The following IL17RA variants were observed in gnomAD, a reference collection of about 807,000 sequenced individuals.
IL17RA encodes interleukin 17 receptor A, also known as interleukin-17 receptor A.
IL17RA carries 34 observed loss-of-function variants against 50.4 expected under a neutral mutation model. The ratio of observed to expected loss-of-function variants is 0.67; its 90% confidence interval spans 0.51 to 0.90. IL17RA has a LOEUF of 0.90. Among genes scored for constraint, IL17RA ranks in the 40% least tolerant of loss-of-function variants. The probability of loss-of-function intolerance (pLI) is 0.00; values close to 1 mark genes in which losing one functional copy is unlikely to be tolerated. For synonymous variants in IL17RA, 585 were observed against 510.4 expected (o/e 1.15, Z -1.97); for missense variants, 1,276 against 1,169.8 (o/e 1.09, Z -1.32).
At chr22:17,105,462 C>T (rs2061410175) in intron 9 of IL17RA, 129 bp from the exon 10 acceptor site, 1 of 914,620 alleles carries the variant, frequency 1.1e-6, no homozygotes, top group African/African-American at 1.6e-5. Flanking sequence ...TTAAGTTCAA[C>T]CTGGATCTAG....
At chr22:17,096,360 C>T (rs1282823058) in intron 1 of IL17RA, among the ~76,000 whole-genome samples, 2 of 152,128 alleles carry the variant, frequency 1.3e-5, no homozygotes, top group Non-Finnish European at 2.9e-5. Context: ...CTTTACCTAG[C>T]GACTTTGTAG....
At chr22:17,091,134 A>G (rs1431551606) in intron 1 of IL17RA, among the ~76,000 whole-genome samples, 1 of 152,020 alleles carries the variant, frequency 6.6e-6, no homozygotes, top group African/African-American at 2.4e-5. Context: ...CTCAGGGGTT[A>G]CTCCCTCATT....
rs2061446613 is a variant in IL17RA at position 17,112,317 on chromosome 22, A to G, written c.*2497A>G. ...TATTGGAGTACAGTTCACTTACCAT[A>G]CAATCCACAATTGACCCTGCACAAT... On this transcript the variant is annotated 3_prime_UTR_variant, in exon 13 of 13. Transcript: ENST00000319363. The G allele has an allele frequency of 6.6e-6, 1 of 152,158 alleles. No individual in the cohort carries two copies. Among genetic ancestry groups the G allele is most frequent in the South Asian group, 2.1e-4 (1 of 4,820 alleles). 9.4% of individuals were successfully genotyped at this position (152,158 alleles called of 1,614,324 possible).
Position 17,103,538 on chromosome 22 carries a change from T to A in IL17RA, c.807T>A (p.Thr269=), listed in dbSNP as rs1319943199. 1 of 1,613,762 alleles carries A rather than the reference T, an allele frequency of 6.2e-7. No individual in the cohort carries two copies. Among genetic ancestry groups the A allele is most frequent in the South Asian group, 1.1e-5 (1 of 91,000 alleles). The change falls in exon 8 of 13, where the codon ACT becomes ACA. Residue 269 remains threonine, a synonymous_variant. Coordinates refer to ENST00000319363, the MANE Select transcript of IL17RA (RefSeq NM_014339.7). ...ACCAGCGATCCAACGTCACACTCAC[T>A]CTACGCAACCTTAAAGGGTGCTGTC... ...EFHQRSNVTL[T]LRNLKGCCRH...
Position 17,114,729 on chromosome 22 carries a change from G to C in IL17RA, c.*4909G>C, listed in dbSNP as rs186763605. On this transcript the variant is annotated 3_prime_UTR_variant, in exon 13 of 13. Transcript: ENST00000319363. ...GAAAACAGCCCCTGCTTTTTTGCTA[G>C]AATGGCTGAGCTTTCATGGAAAGGA... The C allele has an allele frequency of 6.6e-6, 1 of 152,224 alleles. No homozygotes were observed. The highest frequency in any genetic ancestry group is 2.4e-5 in the African/African-American group (1 of 41,454). 9.4% of individuals were successfully genotyped at this position (152,224 alleles called of 1,614,324 possible).
intron 1 of IL17RA, among the ~76,000 whole-genome samples, chr22:17,088,927 C>T (rs1439194247): frequency 6.6e-6 from 1 of 152,032 alleles, no homozygotes; most frequent in African/African-American, 2.4e-5. Flanking sequence ...TCCCAAGTAG[C>T]TGGGATTACA....
chr22:17,093,546 CAGTT>C (rs1468388969), intron 1 of IL17RA: 8 of 152,350 alleles, frequency 5.3e-5, no homozygotes, highest in Admixed American at 4.6e-4. Flanking sequence ...GCCACTTGGA[CAGTT>C]ATTTATTTAT....
rs1473538814 is a variant in IL17RA, at chr22:17,100,208, C to T, written c.424-147C>T. 8 of 938,388 alleles carry T rather than the reference C, an allele frequency of 8.5e-6. No individual in the cohort carries two copies. In the African/African-American group the frequency reaches 9.7e-5, roughly 11 times the overall value. The allele number at this position is 938,388 out of a possible 1,614,324, so 58.1% of individuals were successfully genotyped here. The stretch of plus-strand genomic sequence containing the variant: ...AACAAAAAACAAAGATACTGATTTC[C>T]CTGACCTTGGATTTTGCTGTGGTTG... On this transcript the variant is annotated intron_variant, in intron 4 of 12. Transcript: ENST00000319363.
intron 1 of IL17RA, 161 bp downstream of exon 1, chr22:17,085,390 C>A: frequency 1.1e-6 from 1 of 920,048 alleles, no homozygotes; most frequent in Non-Finnish European, 1.3e-6. Context: ...GATATCGCGG[C>A]GCCTGGGGAG....
chr22:17,094,662 T>TCTCTCTCTCTCTCTCTCTCTCTCTCC (rs2061359781), intron 1 of IL17RA, among the ~76,000 whole-genome samples: 1 of 35,282 alleles, frequency 2.8e-5, no homozygotes, highest in Non-Finnish European at 5.5e-5. Context: ...ACACACTCTC[T>TCTCTCTCTCTCTCTCTCTCTCTCTCC]CTCTCTCTCT....
intron 9 of IL17RA, 147 bp from the exon 10 acceptor site, chr22:17,105,444 T>C (rs1568921879): frequency 1.2e-6 from 1 of 830,458 alleles, no homozygotes. Flanking sequence ...CTCTTGTAGA[T>C]GGTTTCATTA....
At chr22:17,097,244 C>T in intron 2 of IL17RA, 158 bp downstream of exon 2, 1 of 716,302 alleles carries the variant, frequency 1.4e-6, no homozygotes, top group Non-Finnish European at 2.6e-6. Flanking sequence ...GATGCGTGCA[C>T]CTGCGCTTCC....
rs1345851682 is a variant in IL17RA, at chr22:17,109,688, G to T, written c.2469G>T (p.Lys823Asn). 4.4e-6 allele frequency: 7 copies of T among 1,574,886 alleles called. No homozygotes were observed. The highest frequency in any genetic ancestry group is 6.0e-6 in the Non-Finnish European group (7 of 1,161,796). Residue 823 changes from lysine to asparagine, a missense_variant, in exon 13 of 13, where the codon AAG (lysine) becomes AAT (asparagine). Lys to Asn is a moderately conservative substitution (Grantham distance 94). Transcript: ENST00000319363. ...EEEEEEQDPGKPALPLSPEDL... is the reference protein window; with the variant it reads ...EEEEEEQDPGNPALPLSPEDL... ...AGGAAGAGGAGCAGGACCCAGGGAA[G>T]CCGGCCCTGCCACTCTCTCCCGAGG...
Position 17,115,660 on chromosome 22 carries a change from C to T in IL17RA, c.*5840C>T, listed in dbSNP as rs1324572262. On this transcript the variant is annotated 3_prime_UTR_variant, in exon 13 of 13. Coordinates refer to ENST00000319363, the MANE Select transcript of IL17RA (RefSeq NM_014339.7). ...TGTTCTTGCTTAGACTTAATACTAC[C>T]CTTCATGTTAAAATAAAACCAAACA... 1 of 152,162 alleles carries T rather than the reference C, an allele frequency of 6.6e-6. No homozygotes were observed. Among genetic ancestry groups the T allele is most frequent in the Admixed American group, 6.5e-5 (1 of 15,278 alleles). The allele number at this position is 152,162 out of a possible 1,614,324, so 9.4% of individuals were successfully genotyped here. A position where few individuals can be genotyped will look rare whatever the true frequency, so the allele number is the denominator to read the frequency against.
At chr22:17,093,975 C>CTTTATTTTATTTATTTTAT (rs2061356663) in intron 1 of IL17RA, 2 of 147,538 alleles carry the variant, frequency 1.4e-5, no homozygotes, top group Admixed American at 1.4e-4. Context: ...TTTTATCTTA[C>CTTTATTTTATTTATTTTAT]TTTATTTTAT....
chr22:17,108,924 G>A lies in IL17RA; in HGVS notation c.1705G>A (p.Ala569Thr). The change falls in exon 13 of 13, where the codon GCC (alanine) becomes ACC (threonine). Residue 569 changes from alanine (A) to threonine (T), a missense_variant. Transcript: ENST00000319363. Reference sequence around the variant, plus strand: ...GAGCCCGGGCGGCAGGCAGCTCCGCGCCGCCCTGGACAGGTTCCGGGACTG... The same window carrying A: ...GAGCCCGGGCGGCAGGCAGCTCCGCACCGCCCTGGACAGGTTCCGGGACTG... ...LRSPGGRQLR[A>T]ALDRFRDWQV... is the part of the protein sequence containing the mutation. 6.2e-6 allele frequency: 10 copies of A among 1,611,688 alleles called. No individual in the cohort carries two copies. Among genetic ancestry groups the A allele is most frequent in the Non-Finnish European group, 8.5e-6 (10 of 1,179,564 alleles).
chr22:17,102,677 C>G (rs1414099602), intron 7 of IL17RA, among the ~76,000 whole-genome samples: 1 of 152,074 alleles, frequency 6.6e-6, no homozygotes. Context: ...TGCAGTGGCT[C>G]CCACCTGTAA....
rs1173675771 is a variant in IL17RA, at chr22:17,115,685, A to C, written c.*5865A>C. 2 of 152,276 alleles carry C rather than the reference A, an allele frequency of 1.3e-5. No homozygotes were observed. The highest frequency in any genetic ancestry group is 2.9e-5 in the Non-Finnish European group (2 of 68,066). The allele number at this position is 152,276 out of a possible 1,614,324, so 9.4% of individuals were successfully genotyped here. A position where few individuals can be genotyped will look rare whatever the true frequency, so the allele number is the denominator to read the frequency against. Reference sequence around the variant, plus strand: ...CCTTCATGTTAAAATAAAACCAAACAAAAACCCATGGCCTTGTTCTTCTTA... The same window carrying C: ...CCTTCATGTTAAAATAAAACCAAACCAAAACCCATGGCCTTGTTCTTCTTA... On this transcript the variant is annotated 3_prime_UTR_variant, in exon 13 of 13. Transcript: ENST00000319363.
chr22:17,085,677 G>A (rs1239833834), intron 1 of IL17RA, among the ~76,000 whole-genome samples: 1 of 152,184 alleles, frequency 6.6e-6, no homozygotes, highest in Non-Finnish European at 1.5e-5. Flanking sequence ...GTACCCCGGC[G>A]GGGCACGGTC....
Sources: allele counts gnomAD v4.1 joint callset (sites outside exome capture counted in the v4.1 genomes callset), GRCh38; gene constraint gnomAD v4.1.1; transcripts MANE v1.5; gene names NCBI Gene and HGNC (gene_info 2026-07-23, HGNC 2026-07-21).